The following FYN variants were observed in gnomAD, a reference collection of about 807,000 sequenced individuals.
The protein encoded by FYN is FYN proto-oncogene, Src family tyrosine kinase, also known as tyrosine-protein kinase Fyn.
FYN carries 10 observed loss-of-function variants against 70.2 expected under a neutral mutation model. The ratio of observed to expected loss-of-function variants is 0.14; its 90% CI spans 0.09 to 0.24. The LOEUF (loss-of-function observed/expected upper bound fraction) is 0.24. Among genes scored for constraint, FYN ranks in the 10% least tolerant of loss-of-function variants. The pLI is 1.00. For synonymous variants in FYN, 236 were observed against 248.6 expected, an observed-to-expected ratio of 0.95 and a Z score of 0.48; for missense variants, 319 against 673.1, an observed-to-expected ratio of 0.47 and a Z score of 5.82.
intron 1 of FYN, among the ~76,000 whole-genome samples, chr6:111,868,789 G>A (rs1027739102): frequency 1.3e-5 from 2 of 152,076 alleles, no homozygotes; most frequent in Non-Finnish European, 2.9e-5. Context: ...ACTAAAGTTT[G>A]CTTCAATTTC....
chr6:111,835,397 G>T (rs1386558344), intron 2 of FYN, among the ~76,000 whole-genome samples: 2 of 152,204 alleles, frequency 1.3e-5, no homozygotes, highest in East Asian at 3.8e-4. Context: ...AGGATTGTTA[G>T]GAATAATGCT....
intron 12 of FYN, among the ~76,000 whole-genome samples, chr6:111,692,111 C>CT (rs757870736): frequency 6.7e-6 from 1 of 149,948 alleles, no homozygotes; most frequent in African/African-American, 2.4e-5. Flanking sequence ...TCCCCCCCCC[C>CT]CAGTTCAGCT....
At chr6:111,703,742 T>C (rs1799945711) in intron 7 of FYN, among the ~76,000 whole-genome samples, 1 of 152,166 alleles carries the variant, frequency 6.6e-6, no homozygotes, top group African/African-American at 2.4e-5. Flanking sequence ...AATTCTACGA[T>C]CTTGTGTGCC....
At chr6:111,771,777 A>C (rs1270846909) in intron 3 of FYN, among the ~76,000 whole-genome samples, 2 of 152,362 alleles carry the variant, frequency 1.3e-5, no homozygotes, top group Admixed American at 1.3e-4. Flanking sequence ...CCCGGTTTCC[A>C]GTCAGGCATG....
chr6:111,804,418 C>T (rs943146633), intron 2 of FYN, among the ~76,000 whole-genome samples: 2 of 152,100 alleles, frequency 1.3e-5, no homozygotes, highest in Non-Finnish European at 1.5e-5. Context: ...ACTGGGACTG[C>T]GGCTTTCCAG....
chr6:111,739,213 G>A (rs577053748), intron 3 of FYN, among the ~76,000 whole-genome samples: 22 of 152,320 alleles, frequency 1.4e-4, no homozygotes, highest in East Asian at 1.2e-3. Context: ...CCTGCCCTTC[G>A]GCACCAGCAG....
chr6:111,669,970 C>G (rs1290595576), intron 13 of FYN, among the ~76,000 whole-genome samples: 7 of 151,916 alleles, frequency 4.6e-5, no homozygotes, highest in Non-Finnish European at 1.5e-5. Flanking sequence ...CTTTCCAAAG[C>G]AGATGATGTT....
At chr6:111,872,147 C>T (rs1294947964) in intron 1 of FYN, among the ~76,000 whole-genome samples, 1 of 151,982 alleles carries the variant, frequency 6.6e-6, no homozygotes, top group Non-Finnish European at 1.5e-5. Flanking sequence ...TTTTATTATC[C>T]CTCTTCCCAG....
intron 3 of FYN, among the ~76,000 whole-genome samples, chr6:111,767,178 G>A (rs977207595): frequency 7.2e-5 from 11 of 152,148 alleles, no homozygotes; most frequent in Non-Finnish European, 1.5e-4. Context: ...AGTAAGTCAT[G>A]CTATGATCAT....
At chr6:111,860,522 T>C (rs1773934323) in intron 1 of FYN, among the ~76,000 whole-genome samples, 1 of 152,168 alleles carries the variant, frequency 6.6e-6, no homozygotes, top group South Asian at 2.1e-4. Context: ...GATGTGAGGA[T>C]CAGGGAAAGC....
chr6:111,849,366 AG>A (rs576194926), intron 1 of FYN, among the ~76,000 whole-genome samples: 136 of 152,338 alleles, frequency 8.9e-4, no homozygotes, highest in African/African-American at 2.4e-3. Flanking sequence ...CTCAACTCTG[AG>A]CTCTCTCTTG....
chr6:111,728,422 G>A lies in FYN; in HGVS notation c.-11-8360C>T, dbSNP rs528911486. ...CAATGGTTTTTAGTACATTTACAAA[G>A]GAGACCATTTCCATTATCTAATTCC... On this transcript the variant is annotated intron_variant, in intron 3 of 13. Transcript: ENST00000354650. 3.0e-4 allele frequency among the ~76,000 whole-genome samples: 46 copies of A among 152,164 alleles called. No homozygotes were observed. In the South Asian group the frequency reaches 8.7e-3, roughly 29 times the overall value.
At chr6:111,721,549 GCCT>G (rs1249291878) in intron 3 of FYN, among the ~76,000 whole-genome samples, 1 of 152,046 alleles carries the variant, frequency 6.6e-6, no homozygotes, top group Non-Finnish European at 1.5e-5. Flanking sequence ...GATTACAGGT[GCCT>G]GCCACCACAC....
rs532901864 is a variant in FYN at position 111,690,684 on chromosome 6, C to T, written c.1273+3691G>A. Among the ~76,000 whole-genome samples, 41 of 152,332 alleles carry T rather than the reference C, an allele frequency of 2.7e-4. 2 individuals carry two copies. The South Asian group carries it at 8.3e-3, about 31-fold the overall frequency. Reference sequence around the variant, plus strand: ...ACTATGTGCTGGGTACCCTGTTAAACACTTTACATGCATTGTTTCACTTAA... The same window carrying T: ...ACTATGTGCTGGGTACCCTGTTAAATACTTTACATGCATTGTTTCACTTAA... On this transcript the variant is annotated intron_variant, in intron 12 of 13. Transcript: ENST00000354650.
chr6:111,800,590 A>G (rs1199678656), intron 2 of FYN, among the ~76,000 whole-genome samples: 1 of 152,254 alleles, frequency 6.6e-6, no homozygotes, highest in East Asian at 1.9e-4. Flanking sequence ...TCACAGGCTC[A>G]TCCCATTTTT....
intron 1 of FYN, among the ~76,000 whole-genome samples, chr6:111,848,279 A>G (rs947304537): frequency 1.2e-4 from 18 of 152,362 alleles, no homozygotes; most frequent in Non-Finnish European, 2.2e-4. Flanking sequence ...CCTTAGAAAG[A>G]GCACTTGGAG....
At chr6:111,704,612 G>T (rs706865) in intron 6 of FYN, among the ~76,000 whole-genome samples, 3,514 of 152,128 alleles carry the variant, frequency 0.023, 143 homozygotes, top group African/African-American at 0.077. Context: ...AAATTAGCTT[G>T]GTGTGGTGGT....
At chr6:111,746,329 T>G (rs888766981) in intron 3 of FYN, among the ~76,000 whole-genome samples, 1 of 152,216 alleles carries the variant, frequency 6.6e-6, no homozygotes, top group Admixed American at 6.5e-5. Context: ...GGTCCCTTTG[T>G]AGTCAATTCC....
chr6:111,751,606 A>T (rs1802490862), intron 3 of FYN, among the ~76,000 whole-genome samples: 1 of 146,872 alleles, frequency 6.8e-6, no homozygotes, highest in Admixed American at 6.9e-5. Context: ...CAGAAGTGGC[A>T]GTGTCTCCAT....
Sources: allele counts gnomAD v4.1 joint callset (sites outside exome capture counted in the v4.1 genomes callset), GRCh38; gene constraint gnomAD v4.1.1; transcripts MANE v1.5; gene names NCBI Gene and HGNC (gene_info 2026-07-23, HGNC 2026-07-21).